The following GOLGA3 variants were observed in gnomAD, a reference collection of about 807,000 sequenced individuals.
GOLGA3 encodes golgin subfamily A member 3.
A neutral mutation model predicts 169.4 loss-of-function variants in GOLGA3; 75 were observed. The ratio of observed to expected loss-of-function variants is 0.44; its 90% CI spans 0.37 to 0.54. The LOEUF is 0.54. GOLGA3 is among the 20% of genes least tolerant of loss of function. GOLGA3 has a pLI of 0.00. For missense variants in GOLGA3, 1,899 were observed against 1,930.0 expected, an observed-to-expected ratio of 0.98 and a Z score of 0.30; for synonymous variants, 824 against 822.4, an observed-to-expected ratio of 1.00 and a Z score of -0.03.
intron 18 of GOLGA3, among the ~76,000 whole-genome samples, chr12:132,779,883 T>C (rs1216519453): frequency 4.2e-5 from 5 of 119,888 alleles, no homozygotes; most frequent in Admixed American, 1.1e-4. Flanking sequence ...CACACACGTG[T>C]GTACAGACAT....
intron 2 of GOLGA3, among the ~76,000 whole-genome samples, chr12:132,818,969 C>T (rs1328775036): frequency 6.6e-6 from 1 of 151,458 alleles, no homozygotes; most frequent in African/African-American, 2.5e-5. Flanking sequence ...CATATTTCCT[C>T]ATCAAATGGA....
Position 132,808,094 on chromosome 12 carries a change from G to C in GOLGA3, c.975C>G (p.Thr325=). 6.3e-7 allele frequency: 1 copy of C among 1,597,928 alleles called. No homozygotes were observed. The highest frequency in any genetic ancestry group is 8.5e-7 in the Non-Finnish European group (1 of 1,170,566). The change falls in exon 5 of 24, where the codon ACC becomes ACG. Residue 325 remains threonine (T), a synonymous_variant. Coordinates refer to ENST00000450791, the MANE Select transcript of GOLGA3 (RefSeq NM_001389683.1). ...SDSSSYSSAS[T]RGTYGILSKT... ...TCGACAGAATGCCATAGGTCCCTCGGGTGGAGGCGCTGCTGTACGATGAGC... is the reference window on the plus strand; with the variant it reads ...TCGACAGAATGCCATAGGTCCCTCGCGTGGAGGCGCTGCTGTACGATGAGC...
At chr12:132,780,624 G>A (rs549221546) in intron 18 of GOLGA3, among the ~76,000 whole-genome samples, 174 bp downstream of exon 18, 17 of 152,334 alleles carry the variant, frequency 1.1e-4, no homozygotes, top group South Asian at 4.1e-4. Context: ...TTAATCTAAC[G>A]CCACCTTCTA....
chr12:132,783,422 G>A (rs1014704227), intron 16 of GOLGA3, among the ~76,000 whole-genome samples: 2 of 152,212 alleles, frequency 1.3e-5, no homozygotes, highest in African/African-American at 4.8e-5. Context: ...GTGGGCATGA[G>A]CAAAACCACT....
At chr12:132,823,098 G>A (rs961826082) in intron 1 of GOLGA3, among the ~76,000 whole-genome samples, 1 of 152,222 alleles carries the variant, frequency 6.6e-6, no homozygotes, top group African/African-American at 2.4e-5. Context: ...ACTCTATACA[G>A]GGTGTACAAG....
At chr12:132,785,171 G>A (rs1410947497) in intron 15 of GOLGA3, among the ~76,000 whole-genome samples, 2 of 152,226 alleles carry the variant, frequency 1.3e-5, no homozygotes, top group Non-Finnish European at 2.9e-5. Flanking sequence ...TTCCTCAGCT[G>A]CAACAGCGTG....
intron 12 of GOLGA3, 46 bp from the exon 13 acceptor site, chr12:132,789,336 G>A (rs570831765): frequency 2.3e-5 from 34 of 1,499,852 alleles, no homozygotes; most frequent in Non-Finnish European, 2.9e-5. Context: ...GGCGGGGCGT[G>A]GGGGGCGTAC....
At chr12:132,780,965 A>G (rs1480993970) in intron 17 of GOLGA3, 51 bp from the exon 18 acceptor site, 1 of 1,373,316 alleles carries the variant, frequency 7.3e-7, no homozygotes, top group South Asian at 1.2e-5. Flanking sequence ...AATTACAAAC[A>G]CACAAGGCTG....
intron 15 of GOLGA3, 21 bp from the exon 16 acceptor site, chr12:132,784,328 G>A: frequency 1.3e-6 from 2 of 1,595,190 alleles, no homozygotes; most frequent in African/African-American, 1.3e-5. Flanking sequence ...AGATGGAACG[G>A]GCGCTTGGTC....
chr12:132,825,190 T>C (rs1950360395), intron 1 of GOLGA3, among the ~76,000 whole-genome samples: 1 of 152,080 alleles, frequency 6.6e-6, no homozygotes, highest in South Asian at 2.1e-4. Context: ...GAACCGACCG[T>C]GTGTGCCTAC....
chr12:132,773,160 C>T lies in GOLGA3; in HGVS notation c.4442G>A (p.Gly1481Asp), dbSNP rs768552052. The T allele has an allele frequency of 4.4e-6, 7 of 1,584,046 alleles. No homozygotes were observed. In the Admixed American group the frequency reaches 1.1e-4, roughly 24 times the overall value. The change falls in exon 24 of 24, where the codon GGC (glycine) becomes GAC (aspartate). Residue 1481 changes from glycine to aspartate, a missense_variant. Gly to Asp is a moderately conservative substitution (Grantham distance 94). Coordinates refer to ENST00000450791, the MANE Select transcript of GOLGA3 (RefSeq NM_001389683.1). ...VPPGGHAGPR[G>D]DPQRHSQSRA... ...GCTCTGACTGTGTCTCTGTGGGTCG[C>T]CGCGTGGGCCGGCGTGACCCCCCGG...
In GOLGA3 at chr12:132,816,547, C is replaced by T. The variant is rs764141218; in HGVS notation, c.399G>A (p.Thr133=). The T allele has an allele frequency of 6.8e-6, 11 of 1,612,500 alleles. No homozygotes were observed. The highest frequency in any genetic ancestry group is 3.3e-5 in the South Asian group (3 of 91,064). ...GGGGTAACGGATGCTTACACAGTTG[C>T]GTTTCTTGCATAGGAAGACTGAGTC... ...SLRLSLPMQE[T]QLCSTDSPLP... is the part of the protein sequence containing the mutation. Residue 133 remains threonine, a synonymous_variant, in exon 3 of 24, where the codon ACG becomes ACA. Transcript: ENST00000450791.
Position 132,785,122 on chromosome 12 carries a change from G to C in GOLGA3, c.3124-815C>G, listed in dbSNP as rs1299448159. The stretch of plus-strand genomic sequence containing the variant: ...AAAGTCACCACTTGCGAGGGGTGAA[G>C]CCCGGACGGACACAAGACATCGGCT... On this transcript the variant is annotated intron_variant, in intron 15 of 23. Transcript: ENST00000450791. Among the ~76,000 whole-genome samples, 3 of 152,230 alleles carry C rather than the reference G, an allele frequency of 2.0e-5. No individual in the cohort carries two copies. The South Asian group carries it at 6.2e-4, about 31-fold the overall frequency.
At chr12:132,818,664 A>C (rs953295748) in intron 2 of GOLGA3, among the ~76,000 whole-genome samples, 1 of 152,270 alleles carries the variant, frequency 6.6e-6, no homozygotes, top group African/African-American at 2.4e-5. Context: ...TCTTTCTAGC[A>C]GGCACTGGTA....
At chr12:132,818,106 C>G (rs1950066843) in intron 2 of GOLGA3, among the ~76,000 whole-genome samples, 2 of 145,916 alleles carry the variant, frequency 1.4e-5, no homozygotes, top group Non-Finnish European at 1.5e-5. Flanking sequence ...GGTGAACCCC[C>G]CCTCCACTCC....
intron 21 of GOLGA3, among the ~76,000 whole-genome samples, chr12:132,775,661 A>G (rs2045187448): frequency 2.0e-5 from 3 of 152,178 alleles, no homozygotes; most frequent in Non-Finnish European, 2.9e-5. Context: ...TGGTCCAACC[A>G]CAGCTCACTG....
Position 132,822,090 on chromosome 12 carries a change from C to G in GOLGA3, c.39G>C (p.Glu13Asp). 6.2e-7 allele frequency: 1 copy of G among 1,608,350 alleles called. No individual in the cohort carries two copies. Among genetic ancestry groups the G allele is most frequent in the Non-Finnish European group, 8.5e-7 (1 of 1,178,068 alleles). The change falls in exon 2 of 24, where the codon GAG becomes GAC. Residue 13 changes from glutamate (E) to aspartate (D), a missense_variant. Glu to Asp is a conservative substitution (Grantham distance 45). Transcript: ENST00000450791. ...ACGAGGGGCCACTGTGGGATCTGTC[C>G]TCCTGGAGGCCATCTTGCTCGGCCG... is the stretch of plus-strand genomic sequence containing the variant. Reference protein sequence around the residue: ...GASAEQDGLQEDRSHSGPSSL... With the variant: ...GASAEQDGLQDDRSHSGPSSL...
intron 16 of GOLGA3, 45 bp downstream of exon 16, chr12:132,784,119 G>C: frequency 6.2e-7 from 1 of 1,600,722 alleles, no homozygotes; most frequent in Non-Finnish European, 8.5e-7. Flanking sequence ...CAGGGCTCAC[G>C]TGACCTGCCC....
At chr12:132,787,611 G>A (rs998574005) in intron 13 of GOLGA3, among the ~76,000 whole-genome samples, 705 of 47,688 alleles carry the variant, frequency 0.015, 79 homozygotes, top group South Asian at 0.037. Context: ...ACCCTTCCCC[G>A]GAGACCCCGG....
Sources: allele counts gnomAD v4.1 joint callset (sites outside exome capture counted in the v4.1 genomes callset), GRCh38; gene constraint gnomAD v4.1.1; transcripts MANE v1.5; gene names NCBI Gene and HGNC (gene_info 2026-07-23, HGNC 2026-07-21).